CAMTA1: variants seen among roughly 807,000 people sequenced by gnomAD.
CAMTA1 encodes calmodulin-binding transcription activator 1.
A neutral mutation model predicts 170.9 loss-of-function variants in CAMTA1; 27 were observed. That is an observed-to-expected ratio of 0.16 (90% CI 0.12 to 0.22). The LOEUF (loss-of-function observed/expected upper bound fraction) is 0.22, where lower values mean the gene tolerates loss of function less well. Ranked by LOEUF, CAMTA1 falls within the 10% of genes least tolerant of loss-of-function variation. The pLI, the probability that CAMTA1 is intolerant of heterozygous loss-of-function variation, is 1.00. For missense variants in CAMTA1, 1,619 were observed against 2,217.2 expected (o/e 0.73, Z 5.42); for synonymous variants, 833 against 891.5 (o/e 0.93, Z 1.17).
chr1:7,335,135 TGTGTGGGGGGGG>T (rs1188449346), intron 5 of CAMTA1, among the ~76,000 whole-genome samples: 4 of 34,444 alleles, frequency 1.2e-4, no homozygotes, highest in African/African-American at 2.2e-4. Flanking sequence ...TGTGTGTGTG[TGTGTGGGGGGGG>T]GGGGGGGGGG....
intron 11 of CAMTA1, among the ~76,000 whole-genome samples, chr1:7,695,374 C>T (rs1482301661): frequency 6.6e-6 from 1 of 152,212 alleles, no homozygotes; most frequent in Admixed American, 6.5e-5. Context: ...AGACATCATT[C>T]CTCCCCGGCG....
chr1:6,841,938 C>T (rs952763385), intron 3 of CAMTA1, among the ~76,000 whole-genome samples: 2 of 152,178 alleles, frequency 1.3e-5, no homozygotes, highest in Admixed American at 1.3e-4. Context: ...TGTCATTCCA[C>T]GGGTGGTGGC....
chr1:7,387,316 A>G (rs548714110), intron 5 of CAMTA1, among the ~76,000 whole-genome samples: 5 of 152,092 alleles, frequency 3.3e-5, no homozygotes, highest in African/African-American at 9.6e-5. Flanking sequence ...TCCCACCGAC[A>G]TGGCACCACC....
chr1:6,985,993 C>G (rs556152150), intron 3 of CAMTA1, among the ~76,000 whole-genome samples: 7 of 152,252 alleles, frequency 4.6e-5, no homozygotes, highest in African/African-American at 1.7e-4. Flanking sequence ...CTGTTTCCTT[C>G]AGGCACGGAA....
chr1:6,983,967 T>C (rs1481597253), intron 3 of CAMTA1, among the ~76,000 whole-genome samples: 2 of 133,328 alleles, frequency 1.5e-5, no homozygotes, highest in African/African-American at 2.9e-5. Context: ...GGTGGATAAA[T>C]GGTTGGGTGG....
chr1:7,551,742 G>A (rs2094805842), intron 6 of CAMTA1, among the ~76,000 whole-genome samples: 1 of 152,208 alleles, frequency 6.6e-6, no homozygotes. Context: ...CTTGGAGCCT[G>A]TCCCTGGCAC....
In CAMTA1 at chr1:7,664,469, C is replaced by A. The variant is rs749074000; in HGVS notation, c.1922C>A (p.Thr641Asn). Residue 641 changes from threonine to asparagine, a missense_variant, in exon 9 of 23, where the codon ACC (threonine) becomes AAC (asparagine). Thr to Asn is a moderately conservative substitution (Grantham distance 65, BLOSUM62 0). This residue lies in a region of CAMTA1 where 731 missense variants were observed against 907.6 expected (regional missense o/e 0.81). Coordinates refer to ENST00000303635, the MANE Select transcript of CAMTA1 (RefSeq NM_015215.4). ...THSSLSDSGG[T>N]FVMPTVKTEA... ...AGCAGCCTGAGTGACTCTGGGGGCA[C>A]CTTCGTGATGCCCACGGTGAAAACG... 3.1e-6 allele frequency: 5 copies of A among 1,613,354 alleles called. No individual in the cohort carries two copies. Among genetic ancestry groups the A allele is most frequent in the Non-Finnish European group, 4.2e-6 (5 of 1,180,038 alleles).
intron 4 of CAMTA1, among the ~76,000 whole-genome samples, chr1:7,123,074 G>A (rs1644739346): frequency 6.6e-6 from 1 of 152,204 alleles, no homozygotes; most frequent in African/African-American, 2.4e-5. Context: ...CATCTTGCCA[G>A]CCAGCATGAT....
At chr1:7,720,979 G>A (rs1039561361) in intron 11 of CAMTA1, among the ~76,000 whole-genome samples, 7 of 152,182 alleles carry the variant, frequency 4.6e-5, no homozygotes, top group African/African-American at 1.2e-4. Context: ...CCTGGGGAGC[G>A]GAGGCTGCTC....
At position 6,795,171 on chromosome 1, in the gene CAMTA1, T is replaced by G. The variant is rs541100531; in HGVS notation, c.45+9596T>G. Among the ~76,000 whole-genome samples, 3 of 152,146 alleles carry G rather than the reference T, an allele frequency of 2.0e-5. No homozygotes were observed. The East Asian group carries it at 5.8e-4, about 29-fold the overall frequency. On this transcript the variant is annotated intron_variant, in intron 1 of 22. Transcript: ENST00000303635. ...GTCATCACCTGTAACAAATGTGACT[T>G]CTTTTAAAACTTATTTTATCTTACT...
rs182531701 is a variant in CAMTA1 at position 7,411,667 on chromosome 1, A to G, written c.439-56163A>G. 7.0e-4 allele frequency among the ~76,000 whole-genome samples: 106 copies of G among 152,054 alleles called. No homozygotes were observed. The East Asian group carries it at 0.02, about 29-fold the overall frequency. On this transcript the variant is annotated intron_variant, in intron 5 of 22. Coordinates refer to ENST00000303635, the MANE Select transcript of CAMTA1 (RefSeq NM_015215.4). The stretch of plus-strand genomic sequence containing the variant: ...TGAAGAAGTACCAGCTCAGAGAGAG[A>G]CTCTTGGCCCATGTCAGGACTCAAC...
intron 4 of CAMTA1, among the ~76,000 whole-genome samples, chr1:7,228,877 C>T (rs1662182298): frequency 6.6e-6 from 1 of 152,112 alleles, no homozygotes. Flanking sequence ...GACACCAAGG[C>T]CTTAGGGCAC....
chr1:7,276,303 A>ATTTTTTTTTTTTTTTTTTTTTTTT (rs1180773965), intron 5 of CAMTA1, among the ~76,000 whole-genome samples: 1 of 24,228 alleles, frequency 4.1e-5, no homozygotes, highest in Non-Finnish European at 6.1e-5. Flanking sequence ...ATATATATAT[A>ATTTTTTTTTTTTTTTTTTTTTTTT]TTTTTTTTTT....
intron 4 of CAMTA1, among the ~76,000 whole-genome samples, chr1:7,122,461 A>G (rs950639884): frequency 6.6e-6 from 1 of 151,978 alleles, no homozygotes; most frequent in African/African-American, 2.4e-5. Flanking sequence ...ATTTGAATGG[A>G]TGGTCCCTGA....
At chr1:7,445,692 C>T (rs1412310261) in intron 5 of CAMTA1, among the ~76,000 whole-genome samples, 6 of 152,226 alleles carry the variant, frequency 3.9e-5, no homozygotes, top group Non-Finnish European at 7.3e-5. Context: ...CACTCACATC[C>T]ACCCTCATGG....
intron 5 of CAMTA1, among the ~76,000 whole-genome samples, chr1:7,356,508 G>A (rs2085125343): frequency 6.6e-6 from 1 of 152,220 alleles, no homozygotes; most frequent in South Asian, 2.1e-4. Flanking sequence ...GGAGATGCAG[G>A]TGGAGCCTAC....
intron 1 of CAMTA1, among the ~76,000 whole-genome samples, chr1:6,803,605 A>T (rs1471642454): frequency 6.6e-6 from 1 of 152,272 alleles, no homozygotes; most frequent in Non-Finnish European, 1.5e-5. Flanking sequence ...GAGTAAATTC[A>T]GAAAAGCAAT....
chr1:7,596,948 G>T (rs1434550891), intron 6 of CAMTA1, among the ~76,000 whole-genome samples: 2 of 151,954 alleles, frequency 1.3e-5, no homozygotes, highest in African/African-American at 4.8e-5. Context: ...GACAGGCGGA[G>T]CCCCCTGGCA....
chr1:7,218,732 T>C (rs747401976), intron 4 of CAMTA1, among the ~76,000 whole-genome samples: 12 of 152,246 alleles, frequency 7.9e-5, no homozygotes, highest in Non-Finnish European at 1.5e-4. Context: ...GCTCGACGTC[T>C]GCCTTCATTG....
Sources: allele counts gnomAD v4.1 joint callset (sites outside exome capture counted in the v4.1 genomes callset), GRCh38; gene constraint gnomAD v4.1.1; regional missense constraint gnomAD v4.1.1; transcripts MANE v1.5; gene names NCBI Gene and HGNC (gene_info 2026-07-23, HGNC 2026-07-21).